Variants in NCOA1 observed in about 807,000 individuals in gnomAD.
NCOA1 encodes the protein nuclear receptor coactivator 1.
A neutral mutation model predicts 150.9 loss-of-function variants in NCOA1; 35 were observed. The ratio of observed to expected loss-of-function variants is 0.23; its 90% CI spans 0.18 to 0.31. The LOEUF (loss-of-function observed/expected upper bound fraction) is 0.31, where lower values mean the gene tolerates loss of function less well. NCOA1 is among the 10% of genes least tolerant of loss of function. NCOA1 has a pLI of 1.00. For synonymous variants in NCOA1, 590 were observed against 630.0 expected, an observed-to-expected ratio of 0.94 and a Z score of 0.95; for missense variants, 1,491 against 1,749.3, an observed-to-expected ratio of 0.85 and a Z score of 2.63.
At chr2:24,742,816 A>C (rs1472562312) in intron 19 of NCOA1, among the ~76,000 whole-genome samples, 1 of 151,942 alleles carries the variant, frequency 6.6e-6, no homozygotes, top group Non-Finnish European at 1.5e-5. Context: ...CAAAATTCGC[A>C]TGTAGTTTTT....
chr2:24,739,322 C>T lies in NCOA1; in HGVS notation c.3202-110C>T, dbSNP rs55751875. On this transcript the variant is annotated intron_variant, in intron 17 of 22. Coordinates refer to ENST00000348332, the MANE Select transcript of NCOA1 (RefSeq NM_003743.5). ...AAACATAGGAAATAATCTAACCAAA[C>T]CTGCAACACTAAAACTTTTTAGTAA... 1.5e-3 allele frequency: 1,095 copies of T among 750,950 alleles called. 5 individuals are homozygous for T. The African/African-American group carries it at 0.017, about 11-fold the overall frequency. 46.5% of individuals were successfully genotyped at this position (750,950 alleles called of 1,614,324 possible). A position where few individuals can be genotyped will look rare whatever the true frequency, so the allele number is the denominator to read the frequency against.
At chr2:24,678,269 T>C (rs1209016966) in intron 7 of NCOA1, among the ~76,000 whole-genome samples, 1 of 152,244 alleles carries the variant, frequency 6.6e-6, no homozygotes, top group African/African-American at 2.4e-5. Flanking sequence ...GTACCACATT[T>C]TCTTTATCCA....
intron 5 of NCOA1, among the ~76,000 whole-genome samples, chr2:24,661,640 G>A (rs1239365596): frequency 6.6e-6 from 1 of 152,148 alleles, no homozygotes; most frequent in East Asian, 1.9e-4. Context: ...TGTGCATGGT[G>A]TAATATAGGG....
intron 10 of NCOA1, among the ~76,000 whole-genome samples, chr2:24,695,229 A>C (rs1672843154): frequency 6.6e-6 from 1 of 152,200 alleles, no homozygotes; most frequent in South Asian, 2.1e-4. Context: ...ATATATAAAA[A>C]TAACCATAAT....
At position 24,741,783 on chromosome 2, in the gene NCOA1, G is replaced by T; in HGVS notation, c.3304-1G>T. The T allele has an allele frequency of 6.3e-7, 1 of 1,599,154 alleles. No individual in the cohort carries two copies. Among genetic ancestry groups the T allele is most frequent in the Non-Finnish European group, 8.5e-7 (1 of 1,173,706 alleles). On this transcript the variant is annotated splice_acceptor_variant, in intron 18 of 22. Transcript: ENST00000348332. LOFTEE classifies it high-confidence loss of function. ...TAAGTGAGTTTTTTCCTGCTTTTCA[G>T]CCACCCCTGAATGCTCAAATGTTGG...
intron 6 of NCOA1, among the ~76,000 whole-genome samples, chr2:24,672,961 T>G (rs1314116237): frequency 6.6e-6 from 1 of 152,204 alleles, no homozygotes; most frequent in Non-Finnish European, 1.5e-5. Context: ...AATCATATTT[T>G]CATTCTCTCT....
At chr2:24,693,635 G>C (rs767466589) in intron 10 of NCOA1, among the ~76,000 whole-genome samples, 15 of 151,882 alleles carry the variant, frequency 9.9e-5, no homozygotes, top group Non-Finnish European at 1.9e-4. Flanking sequence ...AAGAAATTGA[G>C]AAGATATAGA....
At chr2:24,558,874 C>T (rs950046520) in intron 1 of NCOA1, among the ~76,000 whole-genome samples, 2 of 152,154 alleles carry the variant, frequency 1.3e-5, no homozygotes, top group South Asian at 2.1e-4. Flanking sequence ...AATGCCAGGG[C>T]TTGATCTCGT....
intron 3 of NCOA1, among the ~76,000 whole-genome samples, chr2:24,628,222 C>A (rs1459217883): frequency 6.6e-6 from 1 of 151,732 alleles, no homozygotes; most frequent in Admixed American, 6.6e-5. Context: ...ATTGCTTGAA[C>A]CTGGGAGGCA....
At chr2:24,742,263 T>C in intron 19 of NCOA1, 77 bp downstream of exon 19, 7 of 1,474,852 alleles carry the variant, frequency 4.7e-6, no homozygotes, top group Non-Finnish European at 6.4e-6. Flanking sequence ...ATGTCTGTGC[T>C]TGGACATTAA....
intron 5 of NCOA1, chr2:24,659,231 T>C (rs1558880562): frequency 6.2e-6 from 1 of 162,316 alleles, no homozygotes. Context: ...TAAAACAGTG[T>C]GTGGCTTATA....
chr2:24,681,993 C>T (rs1338655816), intron 7 of NCOA1, among the ~76,000 whole-genome samples: 1 of 152,126 alleles, frequency 6.6e-6, no homozygotes, highest in Non-Finnish European at 1.5e-5. Flanking sequence ...GGATTACAGG[C>T]GTGAGACACT....
At chr2:24,506,955 TA>T (rs955430264) in intron 1 of NCOA1, among the ~76,000 whole-genome samples, 2 of 152,206 alleles carry the variant, frequency 1.3e-5, no homozygotes, top group African/African-American at 4.8e-5. Flanking sequence ...TAAGAGCTAT[TA>T]AAACAAACAG....
At chr2:24,576,297 G>A (rs577324752) in intron 2 of NCOA1, among the ~76,000 whole-genome samples, 80 of 151,230 alleles carry the variant, frequency 5.3e-4, no homozygotes, top group Admixed American at 1.4e-3. Flanking sequence ...CCAAGGCACT[G>A]TCTCTGTATG....
At chr2:24,603,555 C>T (rs1214775345) in intron 3 of NCOA1, among the ~76,000 whole-genome samples, 2 of 152,236 alleles carry the variant, frequency 1.3e-5, no homozygotes, top group African/African-American at 2.4e-5. Flanking sequence ...CACCAATGTT[C>T]ACACAGTATC....
intron 19 of NCOA1, among the ~76,000 whole-genome samples, chr2:24,744,817 C>A (rs758497720): frequency 1.3e-5 from 2 of 152,180 alleles, no homozygotes; most frequent in Non-Finnish European, 2.9e-5. Context: ...TTATCTATGG[C>A]TGGTTTCATA....
intron 1 of NCOA1, among the ~76,000 whole-genome samples, chr2:24,499,616 G>A (rs1046954490): frequency 2.0e-5 from 3 of 151,736 alleles, no homozygotes; most frequent in Admixed American, 2.0e-4. Flanking sequence ...TTGTTTGTTC[G>A]GTGTAAAAAT....
At chr2:24,706,544 A>G (rs1326155849) in intron 12 of NCOA1, 24 bp from the exon 13 acceptor site, 5 of 1,554,000 alleles carry the variant, frequency 3.2e-6, no homozygotes, top group Middle Eastern at 1.7e-4. Flanking sequence ...AGATGTTTGA[A>G]TAATAATGTC....
intron 3 of NCOA1, among the ~76,000 whole-genome samples, chr2:24,604,858 G>A (rs895062114): frequency 1.3e-5 from 2 of 152,140 alleles, no homozygotes; most frequent in Non-Finnish European, 2.9e-5. Flanking sequence ...GTTCCAGCCG[G>A]TCTTGGCTTT....
Sources: allele counts gnomAD v4.1 joint callset (sites outside exome capture counted in the v4.1 genomes callset), GRCh38; gene constraint gnomAD v4.1.1; transcripts MANE v1.5; gene names NCBI Gene and HGNC (gene_info 2026-07-23, HGNC 2026-07-21).